FAR2: variants seen among roughly 807,000 people sequenced by gnomAD.
FAR2 encodes the protein epididymis secretory protein Li 81.
In FAR2, 19 loss-of-function variants were observed where a neutral mutation model predicts 56.0. That is an observed-to-expected ratio of 0.34 (90% confidence interval 0.24 to 0.50). The LOEUF (loss-of-function observed/expected upper bound fraction) is 0.50. Ranked by LOEUF, FAR2 falls within the 20% of genes least tolerant of loss-of-function variation. The pLI is 0.98. For synonymous variants in FAR2, 219 were observed against 218.8 expected, an observed-to-expected ratio of 1.00 and a Z score of -0.01; for missense variants, 508 against 642.2, an observed-to-expected ratio of 0.79 and a Z score of 2.26.
intron 1 of FAR2, among the ~76,000 whole-genome samples, chr12:29,243,194 G>T (rs775391150): frequency 2.6e-5 from 4 of 152,170 alleles, no homozygotes; most frequent in African/African-American, 4.8e-5. Flanking sequence ...TCTGTGGTTG[G>T]TGTTAACTTG....
chr12:29,155,121 C>A (rs1949716260), intron 1 of FAR2, among the ~76,000 whole-genome samples: 1 of 152,168 alleles, frequency 6.6e-6, no homozygotes, highest in Non-Finnish European at 1.5e-5. Context: ...TTCATTTCTA[C>A]TTCTTTGGCA....
intron 1 of FAR2, among the ~76,000 whole-genome samples, chr12:29,218,276 G>A (rs888598957): frequency 6.6e-5 from 10 of 151,558 alleles, no homozygotes; most frequent in Non-Finnish European, 1.3e-4. Flanking sequence ...GAAGAATGGC[G>A]TGAACCTGGG....
chr12:29,276,873 G>C (rs1025845711), intron 2 of FAR2, among the ~76,000 whole-genome samples: 1 of 150,360 alleles, frequency 6.7e-6, no homozygotes. Context: ...AAAATCTCTA[G>C]ATTATATATA....
chr12:29,180,075 A>G (rs1362962457), intron 1 of FAR2, among the ~76,000 whole-genome samples: 1 of 152,198 alleles, frequency 6.6e-6, no homozygotes, highest in Admixed American at 6.5e-5. Flanking sequence ...AGTCAAGGAA[A>G]GCTAAAATCA....
chr12:29,202,135 T>A (rs10771496), intron 1 of FAR2, among the ~76,000 whole-genome samples: 4 of 81,394 alleles, frequency 4.9e-5, no homozygotes, highest in Non-Finnish European at 9.5e-5. Flanking sequence ...GCTAATTTAT[T>A]ATTATTATTA....
intron 2 of FAR2, 73 bp downstream of exon 2, chr12:29,270,711 T>C (rs2136707489): frequency 7.5e-7 from 1 of 1,332,018 alleles, no homozygotes; most frequent in East Asian, 2.5e-5. Context: ...TGTTCTCTTA[T>C]AGTCTCATAT....
At chr12:29,244,568 C>T (rs1225844288) in intron 1 of FAR2, among the ~76,000 whole-genome samples, 1 of 152,210 alleles carries the variant, frequency 6.6e-6, no homozygotes, top group Admixed American at 6.5e-5. Flanking sequence ...CTAGTGTGCA[C>T]TTCATCCTCC....
chr12:29,240,964 T>C (rs1041901940), intron 1 of FAR2, among the ~76,000 whole-genome samples: 1 of 152,010 alleles, frequency 6.6e-6, no homozygotes, highest in Non-Finnish European at 1.5e-5. Context: ...CACTACCACA[T>C]CCAGCTAGTT....
chr12:29,175,200 C>T (rs973908964), intron 1 of FAR2, among the ~76,000 whole-genome samples: 14 of 152,210 alleles, frequency 9.2e-5, no homozygotes, highest in African/African-American at 3.4e-4. Flanking sequence ...TAGCTGATTG[C>T]CCCATCTGGG....
intron 1 of FAR2, among the ~76,000 whole-genome samples, chr12:29,157,889 C>T (rs140434641): frequency 7.2e-4 from 109 of 152,314 alleles, no homozygotes; most frequent in South Asian, 5.0e-3. Context: ...CCAAAAGAAT[C>T]TGCCCAGAAG....
At chr12:29,193,319 T>G (rs1431242709) in intron 1 of FAR2, among the ~76,000 whole-genome samples, 1 of 152,210 alleles carries the variant, frequency 6.6e-6, no homozygotes, top group Non-Finnish European at 1.5e-5. Context: ...TTTGGGCAAA[T>G]GTTTAATAAC....
At chr12:29,236,588 A>G (rs903011538) in intron 1 of FAR2, among the ~76,000 whole-genome samples, 3 of 152,116 alleles carry the variant, frequency 2.0e-5, no homozygotes, top group Non-Finnish European at 4.4e-5. Context: ...AAAAACTACT[A>G]TTTATAAAAC....
At chr12:29,292,775 T>C (rs779881314) in intron 2 of FAR2, among the ~76,000 whole-genome samples, 5 of 152,182 alleles carry the variant, frequency 3.3e-5, no homozygotes, top group Non-Finnish European at 7.4e-5. Flanking sequence ...TTTTCTGCAC[T>C]GTAGGGCCAG....
intron 1 of FAR2, among the ~76,000 whole-genome samples, chr12:29,250,429 T>A (rs1306352362): frequency 2.0e-5 from 3 of 152,202 alleles, no homozygotes; most frequent in Non-Finnish European, 2.9e-5. Context: ...AGATTCAAGA[T>A]TCAGATTTAC....
At chr12:29,189,441 CTCACCTT>C (rs923522853) in intron 1 of FAR2, among the ~76,000 whole-genome samples, 1 of 152,152 alleles carries the variant, frequency 6.6e-6, no homozygotes, top group Non-Finnish European at 1.5e-5. Flanking sequence ...ATGCTGTACG[CTCACCTT>C]GTATTTTTCC....
At chr12:29,322,441 C>T (rs1164755777) in intron 10 of FAR2, among the ~76,000 whole-genome samples, 1 of 152,224 alleles carries the variant, frequency 6.6e-6, no homozygotes, top group Non-Finnish European at 1.5e-5. Flanking sequence ...CTCCCTTCAT[C>T]AGTGCTGCAT....
intron 1 of FAR2, among the ~76,000 whole-genome samples, chr12:29,159,171 C>T (rs575515945): frequency 5.1e-4 from 78 of 152,138 alleles, no homozygotes; most frequent in African/African-American, 1.7e-3. Flanking sequence ...CTTTATTTTC[C>T]CTTCTTCCCT....
At chr12:29,308,028 C>T in intron 5 of FAR2, 193 bp downstream of exon 5, 1 of 550,818 alleles carries the variant, frequency 1.8e-6, no homozygotes, top group East Asian at 3.3e-5. Context: ...GCTCCTCTGG[C>T]AGTTATCTTG....
chr12:29,225,104 T>G (rs1947743435), intron 1 of FAR2, among the ~76,000 whole-genome samples: 1 of 152,036 alleles, frequency 6.6e-6, no homozygotes, highest in Non-Finnish European at 1.5e-5. Context: ...GGTGTGGTGG[T>G]GCACTCTCGT....
Sources: gnomAD v4.1 joint callset for allele counts (sites outside exome capture counted in the v4.1 genomes callset) on GRCh38, gnomAD v4.1.1 for gene constraint, MANE v1.5 for transcripts, NCBI Gene and HGNC (gene_info 2026-07-23, HGNC 2026-07-21) for gene names.